NKAIN2: variants seen among roughly 807,000 people sequenced by gnomAD.
NKAIN2 encodes the protein sodium/potassium transporting ATPase interacting 2, also known as sodium/potassium-transporting ATPase subunit beta-1-interacting protein 2.
In NKAIN2, 14 loss-of-function variants were observed where a neutral mutation model predicts 32.6. The ratio of observed to expected loss-of-function variants is 0.43; its 90% CI spans 0.28 to 0.67. NKAIN2 has a LOEUF of 0.67. Ranked by LOEUF, NKAIN2 falls within the 30% of genes least tolerant of loss-of-function variation. The probability of loss-of-function intolerance (pLI) is 0.17; values close to 1 mark genes in which losing one functional copy is unlikely to be tolerated. For synonymous variants in NKAIN2, 80 were observed against 87.2 expected, an observed-to-expected ratio of 0.92 and a Z score of 0.46; for missense variants, 198 against 258.3, an observed-to-expected ratio of 0.77 and a Z score of 1.60.
intron 1 of NKAIN2, among the ~76,000 whole-genome samples, chr6:124,042,009 A>T (rs1178577376): frequency 6.6e-6 from 1 of 152,076 alleles, no homozygotes; most frequent in Non-Finnish European, 1.5e-5. Context: ...TCTAAACTCT[A>T]AATATAATGG....
intron 3 of NKAIN2, among the ~76,000 whole-genome samples, chr6:124,441,397 T>C (rs1775681786): frequency 6.6e-6 from 1 of 152,112 alleles, no homozygotes; most frequent in African/African-American, 2.4e-5. Context: ...TTCTCTTGAA[T>C]ATGGTATAGC....
chr6:124,011,687 A>C (rs1780335917), intron 1 of NKAIN2, among the ~76,000 whole-genome samples: 1 of 152,134 alleles, frequency 6.6e-6, no homozygotes, highest in African/African-American at 2.4e-5. Flanking sequence ...CTATATTTCA[A>C]ATTGGCCTTT....
chr6:124,682,677 T>C (rs976931335), intron 4 of NKAIN2, among the ~76,000 whole-genome samples: 2 of 152,204 alleles, frequency 1.3e-5, no homozygotes, highest in African/African-American at 4.8e-5. Context: ...GAGTAAATTT[T>C]TCCACTTGAT....
intron 3 of NKAIN2, among the ~76,000 whole-genome samples, chr6:124,514,515 C>T (rs1778831933): frequency 6.6e-6 from 1 of 152,156 alleles, no homozygotes; most frequent in Non-Finnish European, 1.5e-5. Flanking sequence ...AGGGAGTTCA[C>T]ATTTCAATAA....
intron 1 of NKAIN2, among the ~76,000 whole-genome samples, chr6:124,230,173 C>G (rs1240313721): frequency 1.3e-5 from 2 of 152,092 alleles, no homozygotes; most frequent in Non-Finnish European, 2.9e-5. Context: ...GTCACTCTTG[C>G]TATGTTTTAG....
intron 3 of NKAIN2, among the ~76,000 whole-genome samples, chr6:124,387,588 T>A (rs773719532): frequency 3.9e-5 from 6 of 152,096 alleles, no homozygotes; most frequent in Non-Finnish European, 5.9e-5. Flanking sequence ...GTAACAAAAT[T>A]CCAGTCTAAT....
chr6:124,742,798 C>A (rs1562358431), intron 4 of NKAIN2, among the ~76,000 whole-genome samples: 1 of 151,766 alleles, frequency 6.6e-6, no homozygotes, highest in Non-Finnish European at 1.5e-5. Context: ...ATCATCCAAG[C>A]CTTGGGCCTG....
intron 2 of NKAIN2, among the ~76,000 whole-genome samples, chr6:124,300,008 G>A (rs1226817245): frequency 2.0e-5 from 3 of 152,194 alleles, no homozygotes; most frequent in African/African-American, 7.2e-5. Flanking sequence ...TCCAGAGGCA[G>A]AGTTGGGTGA....
chr6:124,334,732 T>C (rs1797799336), intron 2 of NKAIN2, among the ~76,000 whole-genome samples: 1 of 87,556 alleles, frequency 1.1e-5, no homozygotes, highest in African/African-American at 4.9e-5. Flanking sequence ...GCATGACTCC[T>C]CGCCAGAACT....
intron 3 of NKAIN2, among the ~76,000 whole-genome samples, chr6:124,528,447 T>C (rs1779400861): frequency 6.6e-6 from 1 of 152,252 alleles, no homozygotes; most frequent in Non-Finnish European, 1.5e-5. Context: ...TGCAGAAATG[T>C]GTTAAGTATT....
intron 1 of NKAIN2, among the ~76,000 whole-genome samples, chr6:124,092,354 C>T (rs1182147149): frequency 2.6e-5 from 4 of 152,008 alleles, no homozygotes; most frequent in African/African-American, 9.7e-5. Context: ...TAATGAGAAC[C>T]AGCAGAGATC....
chr6:124,395,612 C>G (rs1309980910), intron 3 of NKAIN2, among the ~76,000 whole-genome samples: 1 of 152,146 alleles, frequency 6.6e-6, no homozygotes, highest in Non-Finnish European at 1.5e-5. Flanking sequence ...TGAAACTTAG[C>G]ATGTGAGTTA....
intron 2 of NKAIN2, among the ~76,000 whole-genome samples, chr6:124,318,908 A>G (rs1797066690): frequency 6.6e-6 from 1 of 152,150 alleles, no homozygotes; most frequent in Non-Finnish European, 1.5e-5. Flanking sequence ...CTTAACCAAG[A>G]GGCACAAGTG....
intron 3 of NKAIN2, among the ~76,000 whole-genome samples, chr6:124,380,694 AAATC>A (rs1772597245): frequency 6.6e-6 from 1 of 152,212 alleles, no homozygotes; most frequent in Admixed American, 6.5e-5. Context: ...GACATCAAGA[AAATC>A]AGAGATATTA....
chr6:124,745,939 C>T (rs550100638), intron 4 of NKAIN2, among the ~76,000 whole-genome samples: 2 of 151,836 alleles, frequency 1.3e-5, no homozygotes, highest in South Asian at 2.1e-4. Context: ...TGTCAAAGGC[C>T]AGAAAGAGCA....
intron 4 of NKAIN2, among the ~76,000 whole-genome samples, chr6:124,696,913 G>A (rs1315166155): frequency 6.6e-6 from 1 of 151,836 alleles, no homozygotes; most frequent in African/African-American, 2.4e-5. Context: ...CATGAATAGG[G>A]GTTCCAAACA....
At chr6:124,279,505 C>A (rs111476593) in intron 1 of NKAIN2, among the ~76,000 whole-genome samples, 1 of 119,642 alleles carries the variant, frequency 8.4e-6, no homozygotes. Flanking sequence ...AGCAAGATTC[C>A]ATCTCAAAAA....
At position 124,303,349 on chromosome 6, in the gene NKAIN2, T is replaced by C. The variant is rs141415077; in HGVS notation, c.192+20207T>C. On this transcript the variant is annotated intron_variant, in intron 2 of 6. Transcript: ENST00000368417. ...GGTGATGGGTGATTTATTGGGGAACTTATGTAAAGCATAGTCTTCGGCAGC... is the reference window on the plus strand; with the variant it reads ...GGTGATGGGTGATTTATTGGGGAACCTATGTAAAGCATAGTCTTCGGCAGC... Among the ~76,000 whole-genome samples the C allele has an allele frequency of 6.2e-3, 950 of 152,268 alleles. 5 individuals are homozygous for C. The highest frequency in any genetic ancestry group is 1.0e-2 in the Non-Finnish European group (680 of 68,016).
chr6:124,113,693 G>A (rs1785486626), intron 1 of NKAIN2, among the ~76,000 whole-genome samples: 1 of 152,138 alleles, frequency 6.6e-6, no homozygotes. Context: ...CCTCCCCTGG[G>A]TGAAACCAGG....
Sources: allele counts gnomAD v4.1 joint callset (sites outside exome capture counted in the v4.1 genomes callset), GRCh38; gene constraint gnomAD v4.1.1; transcripts MANE v1.5; gene names NCBI Gene and HGNC (gene_info 2026-07-23, HGNC 2026-07-21).